PTPN4: variants seen among roughly 807,000 people sequenced by gnomAD.
The protein encoded by PTPN4 is tyrosine-protein phosphatase non-receptor type 4.
In PTPN4, 49 loss-of-function variants were observed where a neutral mutation model predicts 135.5. The observed-to-expected ratio is 0.36, with a 90% CI of 0.29 to 0.46. The LOEUF is 0.46. Among genes scored for constraint, PTPN4 ranks in the 20% least tolerant of loss-of-function variants. PTPN4 has a pLI of 1.00. For missense variants in PTPN4, 860 were observed against 1,101.0 expected (o/e 0.78, Z 3.10); for synonymous variants, 333 against 369.9 (o/e 0.90, Z 1.14).
At chr2:119,794,323 T>C (rs1320961759) in intron 1 of PTPN4, among the ~76,000 whole-genome samples, 2 of 152,194 alleles carry the variant, frequency 1.3e-5, no homozygotes, top group African/African-American at 4.8e-5. Context: ...GCTGGGCTTG[T>C]TCCATCCACT....
Position 119,962,674 on chromosome 2 carries a change from A to G in PTPN4, c.2339A>G (p.Gln780Arg). Reference protein sequence around the residue: ...PTGSSSYGCYQVTCHSEEGNT... With the variant: ...PTGSSSYGCYRVTCHSEEGNT... Reference sequence around the variant, plus strand: ...GGCAGTTCATCTTATGGATGCTACCAAGTTACCTGCCACTCTGAAGAAGGA... The same window carrying G: ...GGCAGTTCATCTTATGGATGCTACCGAGTTACCTGCCACTCTGAAGAAGGA... The change falls in exon 24 of 27, where the codon CAA becomes CGA. Residue 780 changes from glutamine to arginine, a missense_variant. Around this residue, in one of 2 missense-constraint regions of PTPN4, gnomAD observed 176 missense variants for 294.1 expected, o/e 0.60. Coordinates refer to ENST00000263708, the MANE Select transcript of PTPN4 (RefSeq NM_002830.4). 6.3e-7 allele frequency: 1 copy of G among 1,587,860 alleles called. No individual in the cohort carries two copies. Among genetic ancestry groups the G allele is most frequent in the Non-Finnish European group, 8.6e-7 (1 of 1,160,962 alleles).
At chr2:119,860,361 C>G (rs1677744029) in intron 2 of PTPN4, among the ~76,000 whole-genome samples, 2 of 152,110 alleles carry the variant, frequency 1.3e-5, no homozygotes, top group Admixed American at 1.3e-4. Flanking sequence ...TGTAAGGTAA[C>G]TTTTACAAGG....
Position 119,874,027 on chromosome 2 carries a change from A to G in PTPN4, c.247-3296A>G, listed in dbSNP as rs1455537637. Among the ~76,000 whole-genome samples, 3 of 152,322 alleles carry G rather than the reference A, an allele frequency of 2.0e-5. No homozygotes were observed. In the South Asian group the frequency reaches 6.2e-4, roughly 32 times the overall value. ...ACAGATGTTCATAGCAACATTATTCATAATAACTAAAATATGGGAACAATC... is the reference window on the plus strand; with the variant it reads ...ACAGATGTTCATAGCAACATTATTCGTAATAACTAAAATATGGGAACAATC... On this transcript the variant is annotated intron_variant, in intron 3 of 26. Transcript: ENST00000263708.
chr2:119,935,331 A>G (rs1334135706), intron 15 of PTPN4, among the ~76,000 whole-genome samples: 1 of 152,242 alleles, frequency 6.6e-6, no homozygotes, highest in African/African-American at 2.4e-5. Flanking sequence ...TAAAATACTT[A>G]CAAGATATGT....
intron 2 of PTPN4, among the ~76,000 whole-genome samples, chr2:119,842,115 A>G (rs1355748633): frequency 6.6e-6 from 1 of 152,234 alleles, no homozygotes; most frequent in Non-Finnish European, 1.5e-5. Context: ...GCAGAGGAGT[A>G]GAGTGAAACT....
At chr2:119,823,396 G>C (rs768259102) in intron 2 of PTPN4, among the ~76,000 whole-genome samples, 5 of 151,888 alleles carry the variant, frequency 3.3e-5, no homozygotes, top group Non-Finnish European at 7.4e-5. Context: ...CACCACGCCC[G>C]GCTAATTTTT....
chr2:119,809,931 T>C lies in PTPN4; in HGVS notation c.78T>C (p.His26=). The C allele has an allele frequency of 6.2e-7, 1 of 1,613,758 alleles. No homozygotes were observed. The highest frequency in any genetic ancestry group is 8.5e-7 in the Non-Finnish European group (1 of 1,179,748). ...CAGAGTTGGCCCGAGACAGACAGCATACTGAAGTGGTTTGCAACATCCTTC... is the reference window on the plus strand; with the variant it reads ...CAGAGTTGGCCCGAGACAGACAGCACACTGAAGTGGTTTGCAACATCCTTC... ...RASELARDRQ[H]TEVVCNILLL... is the part of the protein sequence containing the mutation. Residue 26 remains histidine, a synonymous_variant, in exon 2 of 27, where the codon CAT becomes CAC. Transcript: ENST00000263708.
chr2:119,902,391 T>A (rs1372533949), intron 10 of PTPN4, among the ~76,000 whole-genome samples: 2 of 152,188 alleles, frequency 1.3e-5, no homozygotes, highest in Non-Finnish European at 2.9e-5. Context: ...TTGATTGAAT[T>A]TGTTACCAGT....
intron 1 of PTPN4, among the ~76,000 whole-genome samples, chr2:119,795,427 T>C (rs1346721450): frequency 6.6e-6 from 1 of 152,208 alleles, no homozygotes; most frequent in East Asian, 1.9e-4. Flanking sequence ...CCTCACCCCC[T>C]CCTCGGCCTT....
chr2:119,910,382 G>A (rs1396969525), intron 10 of PTPN4, among the ~76,000 whole-genome samples: 3 of 152,100 alleles, frequency 2.0e-5, no homozygotes, highest in African/African-American at 7.2e-5. Context: ...CGCTTTAGTA[G>A]TCTGGAACTA....
intron 2 of PTPN4, among the ~76,000 whole-genome samples, chr2:119,821,179 G>A (rs997997967): frequency 6.9e-6 from 1 of 143,952 alleles, no homozygotes; most frequent in Non-Finnish European, 1.5e-5. Flanking sequence ...TGCAACCTCC[G>A]CCTCCCAGGT....
chr2:119,883,383 G>A (rs759384629), intron 8 of PTPN4, among the ~76,000 whole-genome samples: 1 of 152,014 alleles, frequency 6.6e-6, no homozygotes, highest in Non-Finnish European at 1.5e-5. Context: ...ACGATCCCAA[G>A]CATTTCAGAT....
At chr2:119,795,904 G>A (rs1459291303) in intron 1 of PTPN4, among the ~76,000 whole-genome samples, 1 of 151,604 alleles carries the variant, frequency 6.6e-6, no homozygotes, top group Admixed American at 6.6e-5. Context: ...GCGAGGGGAG[G>A]CATGGGGGCA....
At chr2:119,853,620 A>G (rs1390386255) in intron 2 of PTPN4, among the ~76,000 whole-genome samples, 1 of 152,148 alleles carries the variant, frequency 6.6e-6, no homozygotes, top group Non-Finnish European at 1.5e-5. Flanking sequence ...GTTTTCCCCA[A>G]TATAATATAA....
At position 119,760,085 on chromosome 2, in the gene PTPN4, A is replaced by G; in HGVS notation, c.-317A>G. The G allele has an allele frequency of 5.2e-6, 2 of 385,280 alleles. No homozygotes were observed. The highest frequency in any genetic ancestry group is 4.5e-5 in the Admixed American group (1 of 22,276). The allele number at this position is 385,280 out of a possible 1,614,324, so 23.9% of individuals were successfully genotyped here. ...GCCGCGGGGTCGGAGGATTGGGGCCAGGCCCCCTCCCCCACGCACTTTTGG... is the reference window on the plus strand; with the variant it reads ...GCCGCGGGGTCGGAGGATTGGGGCCGGGCCCCCTCCCCCACGCACTTTTGG... On this transcript the variant is annotated 5_prime_UTR_variant, in exon 1 of 27. Coordinates refer to ENST00000263708, the MANE Select transcript of PTPN4 (RefSeq NM_002830.4).
intron 2 of PTPN4, among the ~76,000 whole-genome samples, chr2:119,846,315 T>C (rs1677498077): frequency 1.3e-5 from 2 of 152,204 alleles, no homozygotes; most frequent in Admixed American, 1.3e-4. Flanking sequence ...CATTATTGAA[T>C]TGTCTGTTTT....
chr2:119,877,296 A>T, intron 3 of PTPN4, 27 bp from the exon 4 acceptor site: 1 of 1,599,762 alleles, frequency 6.3e-7, no homozygotes, highest in Non-Finnish European at 8.5e-7. Context: ...GGAAAAAAGA[A>T]ATCAGTTTTA....
At chr2:119,788,628 T>C (rs575343714) in intron 1 of PTPN4, among the ~76,000 whole-genome samples, 1 of 152,314 alleles carries the variant, frequency 6.6e-6, no homozygotes, top group East Asian at 1.9e-4. Flanking sequence ...ACTTTTTGTC[T>C]GTGATTTTGA....
At chr2:119,822,872 A>C (rs1677090273) in intron 2 of PTPN4, among the ~76,000 whole-genome samples, 1 of 152,198 alleles carries the variant, frequency 6.6e-6, no homozygotes, top group Non-Finnish European at 1.5e-5. Flanking sequence ...TAGAAGACTA[A>C]CAACAGTGGA....
Sources: gnomAD v4.1 joint callset for allele counts (sites outside exome capture counted in the v4.1 genomes callset) on GRCh38, gnomAD v4.1.1 for gene constraint, gnomAD v4.1.1 regional missense constraint, MANE v1.5 for transcripts, NCBI Gene and HGNC (gene_info 2026-07-23, HGNC 2026-07-21) for gene names.